TANC2: variants seen among roughly 807,000 people sequenced by gnomAD.
TANC2 encodes the protein protein TANC2.
Under a neutral mutation model 210.5 loss-of-function variants are expected in TANC2, and 26 were observed. The observed-to-expected ratio is 0.12, with a 90% CI of 0.09 to 0.17. TANC2 has a LOEUF of 0.17. Ranked by LOEUF, TANC2 falls within the 10% of genes least tolerant of loss-of-function variation. TANC2 has a pLI of 1.00. For missense variants in TANC2, 2,129 were observed against 2,608.9 expected, an observed-to-expected ratio of 0.82 and a Z score of 4.01; for synonymous variants, 931 against 967.1, an observed-to-expected ratio of 0.96 and a Z score of 0.69.
intron 11 of TANC2, among the ~76,000 whole-genome samples, chr17:63,338,229 A>G (rs1273949920): frequency 6.6e-6 from 1 of 152,226 alleles, no homozygotes; most frequent in African/African-American, 2.4e-5. Context: ...TTACACTCCC[A>G]CCAACAGTGT....
At chr17:63,159,867 A>C (rs2039966133) in intron 5 of TANC2, among the ~76,000 whole-genome samples, 1 of 152,214 alleles carries the variant, frequency 6.6e-6, no homozygotes, top group Non-Finnish European at 1.5e-5. Context: ...AAGCTGCCAT[A>C]ACAAAATACC....
At chr17:63,374,679 G>A (rs1175000426) in intron 14 of TANC2, among the ~76,000 whole-genome samples, 1 of 152,152 alleles carries the variant, frequency 6.6e-6, no homozygotes, top group African/African-American at 2.4e-5. Flanking sequence ...AAGCATGTTT[G>A]AAACCCTACA....
Position 63,420,218 on chromosome 17 carries a change from G to A in TANC2, c.4488G>A (p.Glu1496=). The A allele has an allele frequency of 1.9e-6, 3 of 1,610,454 alleles. No individual in the cohort carries two copies. The highest frequency in any genetic ancestry group is 2.2e-5 in the East Asian group (1 of 44,798). Residue 1496 remains glutamate, a synonymous_variant, in exon 28 of 28, where the codon GAG becomes GAA. Transcript: ENST00000689528. The surrounding 1 kb of genome is among the most constrained non-coding windows in gnomAD (Gnocchi z 4.2). Reference sequence around the variant, plus strand: ...TATACTCTGTACAGGATATATTCGAGGAGGAGTACCTGGAACAGGATGTTG... The same window carrying A: ...TATACTCTGTACAGGATATATTCGAAGAGGAGTACCTGGAACAGGATGTTG...
At chr17:63,295,814 C>G (rs2044518362) in intron 9 of TANC2, among the ~76,000 whole-genome samples, 1 of 152,146 alleles carries the variant, frequency 6.6e-6, no homozygotes, top group Non-Finnish European at 1.5e-5. Context: ...CCTTACATCC[C>G]TATAAGACTA....
chr17:63,125,523 A>T (rs887798942), intron 4 of TANC2, among the ~76,000 whole-genome samples: 3 of 152,240 alleles, frequency 2.0e-5, no homozygotes, highest in Non-Finnish European at 4.4e-5. Flanking sequence ...ATGACAATAT[A>T]AACATGCCTG....
At chr17:63,102,038 T>C (rs1598401529) in intron 4 of TANC2, among the ~76,000 whole-genome samples, 1 of 152,152 alleles carries the variant, frequency 6.6e-6, no homozygotes, top group African/African-American at 2.4e-5. Context: ...CGATGGCTCA[T>C]ACCTGTCATC....
intron 8 of TANC2, among the ~76,000 whole-genome samples, chr17:63,260,372 C>G (rs1256162681): frequency 1.3e-5 from 2 of 152,254 alleles, no homozygotes; most frequent in Non-Finnish European, 2.9e-5. Flanking sequence ...ATAAATGATA[C>G]TGTATTTACA....
At chr17:63,395,905 G>A in exon 18 of TANC2, 1 of 1,609,626 alleles carries the variant, frequency 6.2e-7, no homozygotes. Context: ...CCTCATTGCT[G>A]CAGCCAGCAT....
intron 2 of TANC2, among the ~76,000 whole-genome samples, chr17:63,045,302 C>G (rs2035336356): frequency 6.6e-6 from 1 of 152,186 alleles, no homozygotes; most frequent in African/African-American, 2.4e-5. Context: ...TAGATTGATC[C>G]TTAGCCTGTG....
At chr17:63,348,844 G>A (rs1458156727) in intron 12 of TANC2, among the ~76,000 whole-genome samples, 3 of 152,086 alleles carry the variant, frequency 2.0e-5, no homozygotes, top group African/African-American at 7.2e-5. Context: ...GCATTTCAAA[G>A]TGAAAATCTA....
At chr17:63,286,272 C>T (rs924750064) in intron 9 of TANC2, among the ~76,000 whole-genome samples, 1 of 152,156 alleles carries the variant, frequency 6.6e-6, no homozygotes, top group Non-Finnish European at 1.5e-5. Flanking sequence ...TTTAACATTT[C>T]TTGCATTGTG....
At chr17:63,194,746 C>T (rs2041287261) in intron 6 of TANC2, among the ~76,000 whole-genome samples, 1 of 151,986 alleles carries the variant, frequency 6.6e-6, no homozygotes, top group Admixed American at 6.6e-5. Flanking sequence ...GACTCAAAGG[C>T]TACTTAGAAG....
intron 1 of TANC2, among the ~76,000 whole-genome samples, chr17:62,991,308 G>A (rs2032849671): frequency 6.6e-6 from 1 of 152,052 alleles, no homozygotes; most frequent in African/African-American, 2.4e-5. Flanking sequence ...GCGTGTGTGG[G>A]TTCTGTGTCT....
At chr17:63,045,906 G>A (rs1444543722) in intron 2 of TANC2, among the ~76,000 whole-genome samples, 1 of 152,058 alleles carries the variant, frequency 6.6e-6, no homozygotes, top group African/African-American at 2.4e-5. Flanking sequence ...CTTCCAAGTA[G>A]CTGGGACTGT....
At chr17:63,209,031 A>T (rs1051332151) in intron 7 of TANC2, among the ~76,000 whole-genome samples, 22 of 151,744 alleles carry the variant, frequency 1.4e-4, no homozygotes, top group African/African-American at 5.1e-4. Flanking sequence ...TTTTTGAGAC[A>T]GAGTCTCTCT....
At chr17:63,194,903 A>G (rs1203369070) in intron 6 of TANC2, among the ~76,000 whole-genome samples, 7 of 152,260 alleles carry the variant, frequency 4.6e-5, no homozygotes, top group African/African-American at 9.6e-5. Context: ...AAAAAAAAGT[A>G]CTAGAGTCAG....
intron 3 of TANC2, among the ~76,000 whole-genome samples, chr17:63,079,547 C>T (rs879321150): frequency 2.0e-5 from 3 of 152,144 alleles, no homozygotes; most frequent in Non-Finnish European, 4.4e-5. Context: ...AGATAGCACT[C>T]AAAATATTTT....
intron 4 of TANC2, among the ~76,000 whole-genome samples, chr17:63,106,187 T>C (rs2037816382): frequency 6.6e-6 from 1 of 151,554 alleles, no homozygotes; most frequent in African/African-American, 2.4e-5. Flanking sequence ...GTCTTCCAAA[T>C]CAAAAGTAGA....
At chr17:63,151,469 C>A in intron 5 of TANC2, 89 bp downstream of exon 5, 1 of 531,286 alleles carries the variant, frequency 1.9e-6, no homozygotes, top group Non-Finnish European at 2.4e-6. Flanking sequence ...GTATACTACT[C>A]ATAAAAACAT....
Sources: gnomAD v4.1 joint callset for allele counts (sites outside exome capture counted in the v4.1 genomes callset) on GRCh38, gnomAD v4.1.1 for gene constraint, Gnocchi (gnomAD v3.1) non-coding constraint, MANE v1.5 for transcripts, NCBI Gene and HGNC (gene_info 2026-07-23, HGNC 2026-07-21) for gene names.